Variants in ADGRD1 observed in about 807,000 individuals in gnomAD.
The protein encoded by ADGRD1 is adhesion G protein-coupled receptor D1.
Under a neutral mutation model 113.4 loss-of-function variants are expected in ADGRD1, and 77 were observed. That is an observed-to-expected ratio of 0.68 (90% CI 0.57 to 0.82). The LOEUF (loss-of-function observed/expected upper bound fraction) is 0.82. ADGRD1 is among the 40% of genes least tolerant of loss of function. ADGRD1 has a pLI of 0.00. For missense variants in ADGRD1, 1,036 were observed against 1,139.1 expected, an observed-to-expected ratio of 0.91 and a Z score of 1.30; for synonymous variants, 474 against 475.0, an observed-to-expected ratio of 1.00 and a Z score of 0.03.
At chr12:131,067,394 C>T (rs556407334) in intron 13 of ADGRD1, among the ~76,000 whole-genome samples, 86 of 152,332 alleles carry the variant, frequency 5.6e-4, no homozygotes, top group African/African-American at 1.8e-3. Context: ...ACTGGTCAGG[C>T]GTCATCAGGG....
rs147781089 is a variant in ADGRD1, at chr12:130,972,469, G to A, written c.310+889G>A. On this transcript the variant is annotated intron_variant, in intron 4 of 24. Coordinates refer to ENST00000261654, the MANE Select transcript of ADGRD1 (RefSeq NM_198827.5). The stretch of plus-strand genomic sequence containing the variant: ...CAACAGCTTAGCAAGGCAAAAACAT[G>A]TGGGAGGACACATCTTGGGCTTTGT... Among the ~76,000 whole-genome samples, 3 of 152,274 alleles carry A rather than the reference G, an allele frequency of 2.0e-5. No homozygotes were observed. In the East Asian group the frequency reaches 5.8e-4, roughly 29 times the overall value.
chr12:131,129,053 G>C (rs1217395427), intron 20 of ADGRD1, among the ~76,000 whole-genome samples: 14 of 101,166 alleles, frequency 1.4e-4, no homozygotes, highest in African/African-American at 3.7e-4. Context: ...TGAGTGACAG[G>C]CCGGCCCTGC....
intron 18 of ADGRD1, among the ~76,000 whole-genome samples, chr12:131,112,915 A>G (rs1772272198): frequency 6.6e-6 from 1 of 152,210 alleles, no homozygotes. Context: ...GAGTTGGAGG[A>G]GGAAGGGAGT....
intron 14 of ADGRD1, 120 bp downstream of exon 14, chr12:131,076,994 C>T (rs938842705): frequency 3.4e-5 from 29 of 861,314 alleles, no homozygotes; most frequent in Middle Eastern, 2.8e-4. Context: ...TTGCGTTATG[C>T]GAAAATGCTG....
chr12:131,007,510 T>C (rs563068377), intron 12 of ADGRD1, among the ~76,000 whole-genome samples: 25 of 152,324 alleles, frequency 1.6e-4, no homozygotes, highest in African/African-American at 6.0e-4. Context: ...TGGAAGACAG[T>C]CTGTCTCGCC....
intron 16 of ADGRD1, 147 bp from the exon 17 acceptor site, chr12:131,105,607 C>A: frequency 1.6e-6 from 1 of 629,500 alleles, no homozygotes; most frequent in Non-Finnish European, 2.8e-6. Context: ...AATAGGGAGC[C>A]ATCGATGGTC....
At position 130,987,182 on chromosome 12, in the gene ADGRD1, C is replaced by T. The variant is rs766352189; in HGVS notation, c.578C>T (p.Pro193Leu). The change falls in exon 6 of 25, where the codon CCG becomes CTG. Residue 193 changes from proline (P) to leucine (L), a missense_variant. Transcript: ENST00000261654. ...AACGGGACCCTGAGCACCTCTGATC[C>T]GAGTGGAAAAGTGTCTCGTGACTAT... ...YVNGTLSTSD[P>L]SGKVSRDYGE... 16 of 1,614,030 alleles carry T rather than the reference C, an allele frequency of 9.9e-6. No individual in the cohort carries two copies. The highest frequency in any genetic ancestry group is 6.7e-5 in the Admixed American group (4 of 60,010).
chr12:131,035,223 C>A, intron 13 of ADGRD1: 1 of 153,110 alleles, frequency 6.5e-6, no homozygotes. Context: ...GCTCTGCTGC[C>A]TCTCCTGGGG....
chr12:131,136,289 T>G, intron 22 of ADGRD1, 126 bp downstream of exon 22: 1 of 1,168,356 alleles, frequency 8.6e-7, no homozygotes, highest in Non-Finnish European at 1.2e-6. Flanking sequence ...GAGCCTGTAA[T>G]GCGGGGCATC....
chr12:130,954,312 C>G lies in ADGRD1; in HGVS notation c.-154C>G, dbSNP rs1263335566. The G allele has an allele frequency of 1.2e-5, 7 of 606,296 alleles. No individual in the cohort carries two copies. The highest frequency in any genetic ancestry group is 2.0e-5 in the Non-Finnish European group (7 of 351,482). 37.6% of individuals were successfully genotyped at this position (606,296 alleles called of 1,614,324 possible). A position where few individuals can be genotyped will look rare whatever the true frequency, so the allele number is the denominator to read the frequency against. Reference sequence around the variant, plus strand: ...AGAAACACCCATTAGGTCTCCAAGACAGCTGTGTTTCACAAACTTTAAGGA... The same window carrying G: ...AGAAACACCCATTAGGTCTCCAAGAGAGCTGTGTTTCACAAACTTTAAGGA... On this transcript the variant is annotated 5_prime_UTR_variant, in exon 1 of 25. Coordinates refer to ENST00000261654, the MANE Select transcript of ADGRD1 (RefSeq NM_198827.5). This position sits in a 1 kb window ranked among gnomAD's most constrained non-coding sequence, Gnocchi z 4.7.
At chr12:131,085,423 G>A (rs554041011) in intron 15 of ADGRD1, among the ~76,000 whole-genome samples, 3 of 152,192 alleles carry the variant, frequency 2.0e-5, no homozygotes, top group African/African-American at 7.2e-5. Context: ...GGGGAGGCGG[G>A]AGGCAGGGAG....
In ADGRD1 at chr12:131,004,295, C is replaced by CGGT. The variant is rs746653559; in HGVS notation, c.1255+1_1255+3dup. The CGGT allele has an allele frequency of 1.9e-5, 31 of 1,605,342 alleles. No individual in the cohort carries two copies. In the South Asian group the frequency reaches 3.4e-4, roughly 18 times the overall value. On this transcript the variant is annotated inframe_insertion and splice_region_variant, in exon 11 of 25. Coordinates refer to ENST00000261654, the MANE Select transcript of ADGRD1 (RefSeq NM_198827.5). ...TCCCCCACGAGGCCTTCCACAGGCACGGTGAGTGTGGCTGCGCTGGACTCC... is the reference window on the plus strand; with the variant it reads ...TCCCCCACGAGGCCTTCCACAGGCACGGTGGTGAGTGTGGCTGCGCTGGACTCC...
At chr12:131,103,238 G>A (rs1052360548) in intron 15 of ADGRD1, among the ~76,000 whole-genome samples, 1 of 152,242 alleles carries the variant, frequency 6.6e-6, no homozygotes, top group East Asian at 1.9e-4. Context: ...AGCACAAAAG[G>A]GCCCCTCCAG....
At chr12:131,021,831 T>C (rs1433306911) in intron 13 of ADGRD1, among the ~76,000 whole-genome samples, 1 of 152,128 alleles carries the variant, frequency 6.6e-6, no homozygotes, top group African/African-American at 2.4e-5. Flanking sequence ...GTCAGCCTCC[T>C]GAGAATCTGG....
At chr12:130,982,136 A>G in intron 5 of ADGRD1, 73 bp downstream of exon 5, 1 of 1,286,350 alleles carries the variant, frequency 7.8e-7, no homozygotes, top group Non-Finnish European at 1.1e-6. Flanking sequence ...GACGCTGAGA[A>G]GCCCAACGCA....
chr12:131,039,968 CCCTGTTTTAT>C (rs2136978235), intron 13 of ADGRD1, among the ~76,000 whole-genome samples: 1 of 152,318 alleles, frequency 6.6e-6, no homozygotes, highest in South Asian at 2.1e-4. Flanking sequence ...ATCATTCTGT[CCCTGTTTTAT>C]GAACAAAACA....
chr12:131,084,634 G>T lies in ADGRD1; in HGVS notation c.1642G>T (p.Ala548Ser). 1 of 1,614,084 alleles carries T rather than the reference G, an allele frequency of 6.2e-7. No homozygotes were observed. Residue 548 changes from alanine (A) to serine (S), a missense_variant, in exon 15 of 25, where the codon GCC becomes TCC. Physicochemically the swap from Ala to Ser is moderately conservative, Grantham distance 99. Transcript: ENST00000261654. This position sits in a 1 kb window ranked among gnomAD's most constrained non-coding sequence, Gnocchi z 4.5. ...CCGCTGCACTCACCTCACCAACTTT[G>T]CCATCCTCATGCAGGTGGTCCCGCT... ...VCRCTHLTNF[A>S]ILMQVVPLEL...
chr12:131,004,074 C>A, intron 10 of ADGRD1, 112 bp from the exon 11 acceptor site: 1 of 650,390 alleles, frequency 1.5e-6, no homozygotes, highest in South Asian at 1.8e-5. Context: ...TTATACTTCC[C>A]GTGGGGAGCT....
At chr12:131,045,483 G>T (rs1457025459) in intron 13 of ADGRD1, among the ~76,000 whole-genome samples, 4 of 149,904 alleles carry the variant, frequency 2.7e-5, no homozygotes, top group African/African-American at 1.0e-4. Flanking sequence ...CGGGAGCTGC[G>T]GCAGGGCAGT....
Sources: gnomAD v4.1 joint callset for allele counts (sites outside exome capture counted in the v4.1 genomes callset) on GRCh38, gnomAD v4.1.1 for gene constraint, Gnocchi (gnomAD v3.1) non-coding constraint, MANE v1.5 for transcripts, NCBI Gene and HGNC (gene_info 2026-07-23, HGNC 2026-07-21) for gene names.